Variants in LRMDA observed in about 807,000 individuals in gnomAD.
LRMDA encodes the protein leucine-rich melanocyte differentiation-associated protein.
In LRMDA, 18 loss-of-function variants were observed where a neutral mutation model predicts 29.8. The observed-to-expected ratio is 0.60, with a 90% CI of 0.42 to 0.90. LRMDA has a LOEUF of 0.90. Ranked by LOEUF, LRMDA falls within the 40% of genes least tolerant of loss-of-function variation. The pLI, the probability that LRMDA is intolerant of heterozygous loss-of-function variation, is 0.00. For missense variants in LRMDA, 273 were observed against 273.9 expected, an observed-to-expected ratio of 1.00 and a Z score of 0.02; for synonymous variants, 125 against 109.4, an observed-to-expected ratio of 1.14 and a Z score of -0.89.
chr10:75,452,021 A>G (rs1275040445), intron 2 of LRMDA, among the ~76,000 whole-genome samples: 1 of 152,098 alleles, frequency 6.6e-6, no homozygotes, highest in Non-Finnish European at 1.5e-5. Flanking sequence ...GGCTTGGTGT[A>G]AGAAGTGGGC....
chr10:76,484,014 T>G (rs1310815390), intron 6 of LRMDA, among the ~76,000 whole-genome samples: 2 of 151,958 alleles, frequency 1.3e-5, no homozygotes, highest in Non-Finnish European at 2.9e-5. Context: ...TCTTAACATC[T>G]GCTCATGTTA....
chr10:76,520,335 A>G (rs1258387485), intron 6 of LRMDA, among the ~76,000 whole-genome samples: 1 of 151,266 alleles, frequency 6.6e-6, no homozygotes, highest in Non-Finnish European at 1.5e-5. Context: ...AATTCTTATT[A>G]CTCACCCTGA....
At chr10:76,481,643 ACTTT>A (rs1165356798) in intron 6 of LRMDA, among the ~76,000 whole-genome samples, 1 of 151,898 alleles carries the variant, frequency 6.6e-6, no homozygotes, top group Non-Finnish European at 1.5e-5. Flanking sequence ...TTTATCTCCA[ACTTT>A]CTTTGTGCAA....
intron 2 of LRMDA, among the ~76,000 whole-genome samples, chr10:75,524,795 C>A (rs2132039264): frequency 6.6e-6 from 1 of 152,034 alleles, no homozygotes. Context: ...AATTTTGTCC[C>A]ATCCATCCAT....
At chr10:75,812,323 T>C (rs1426100839) in intron 2 of LRMDA, among the ~76,000 whole-genome samples, 2 of 152,102 alleles carry the variant, frequency 1.3e-5, no homozygotes, top group African/African-American at 4.8e-5. Flanking sequence ...AGCCCGTCAA[T>C]GTAGCATGAA....
At chr10:76,431,156 TG>T (rs375768823) in intron 6 of LRMDA, among the ~76,000 whole-genome samples, 42 of 152,274 alleles carry the variant, frequency 2.8e-4, no homozygotes, top group African/African-American at 9.9e-4. Flanking sequence ...TATTTACATC[TG>T]GGTGGAAAAA....
intron 2 of LRMDA, among the ~76,000 whole-genome samples, chr10:75,937,934 G>A (rs1207707155): frequency 6.6e-6 from 1 of 152,132 alleles, no homozygotes; most frequent in Non-Finnish European, 1.5e-5. Context: ...CTATTGGGGC[G>A]ATTAATTGCA....
chr10:75,851,703 C>T (rs543073132), intron 2 of LRMDA, among the ~76,000 whole-genome samples: 1 of 152,274 alleles, frequency 6.6e-6, no homozygotes, highest in African/African-American at 2.4e-5. Flanking sequence ...AAGTCACTGG[C>T]CATCATAAAT....
intron 6 of LRMDA, among the ~76,000 whole-genome samples, chr10:76,389,437 G>C (rs1841697751): frequency 6.6e-6 from 1 of 152,284 alleles, no homozygotes; most frequent in South Asian, 2.1e-4. Flanking sequence ...AATTAGCCAT[G>C]TATTTATTAG....
chr10:76,471,435 G>A (rs1490213220), intron 6 of LRMDA, among the ~76,000 whole-genome samples: 1 of 151,402 alleles, frequency 6.6e-6, no homozygotes, highest in Middle Eastern at 3.2e-3. Flanking sequence ...TCAAAATATA[G>A]CGAAAAATTA....
intron 2 of LRMDA, among the ~76,000 whole-genome samples, chr10:75,641,363 T>C (rs1205845722): frequency 6.6e-6 from 1 of 151,592 alleles, no homozygotes; most frequent in Non-Finnish European, 1.5e-5. Context: ...TGGTCTTGAT[T>C]TAGAAAATTC....
chr10:76,277,751 GA>G (rs1355933106), intron 5 of LRMDA, among the ~76,000 whole-genome samples: 2 of 152,184 alleles, frequency 1.3e-5, no homozygotes, highest in East Asian at 3.9e-4. Context: ...TGCAGTTTGA[GA>G]AGTAAGTATT....
At chr10:76,089,456 C>G (rs1849193003) in intron 5 of LRMDA, among the ~76,000 whole-genome samples, 1 of 152,198 alleles carries the variant, frequency 6.6e-6, no homozygotes, top group South Asian at 2.1e-4. Flanking sequence ...TTACCAGTGT[C>G]CTGGGATCCT....
chr10:76,429,260 G>A (rs1842165027), intron 6 of LRMDA, among the ~76,000 whole-genome samples: 3 of 152,064 alleles, frequency 2.0e-5, no homozygotes, highest in Non-Finnish European at 4.4e-5. Context: ...GTGCAGCCAT[G>A]CGAATAATGT....
At chr10:76,070,109 G>A (rs1269011577) in intron 5 of LRMDA, among the ~76,000 whole-genome samples, 1 of 152,162 alleles carries the variant, frequency 6.6e-6, no homozygotes, top group Admixed American at 6.5e-5. Context: ...GATAATCTGT[G>A]GCAGGAGCTA....
chr10:75,564,253 C>A (rs1840340715), intron 2 of LRMDA, among the ~76,000 whole-genome samples: 1 of 152,196 alleles, frequency 6.6e-6, no homozygotes, highest in Non-Finnish European at 1.5e-5. Context: ...GCCCCTCCCC[C>A]AGCCTCGCTG....
At chr10:76,512,269 G>C (rs558071087) in intron 6 of LRMDA, among the ~76,000 whole-genome samples, 1 of 152,092 alleles carries the variant, frequency 6.6e-6, no homozygotes, top group Non-Finnish European at 1.5e-5. Flanking sequence ...TCCCAGTATC[G>C]GGTATGTCTT....
At chr10:76,338,351 G>A (rs1479755912) in intron 6 of LRMDA, among the ~76,000 whole-genome samples, 1 of 149,434 alleles carries the variant, frequency 6.7e-6, no homozygotes, top group African/African-American at 2.5e-5. Flanking sequence ...GCAGCATAGT[G>A]AGACACAGTC....
intron 2 of LRMDA, among the ~76,000 whole-genome samples, chr10:75,494,344 G>A (rs1589159872): frequency 6.6e-6 from 1 of 152,184 alleles, no homozygotes; most frequent in East Asian, 1.9e-4. Flanking sequence ...AGAGACCAGA[G>A]CTGTGATTAG....
Sources: gnomAD v4.1 joint callset for allele counts (sites outside exome capture counted in the v4.1 genomes callset) on GRCh38, gnomAD v4.1.1 for gene constraint, MANE v1.5 for transcripts, NCBI Gene and HGNC (gene_info 2026-07-23, HGNC 2026-07-21) for gene names.